MCTP1: variants seen among roughly 807,000 people sequenced by gnomAD.
The protein encoded by MCTP1 is multiple C2 and transmembrane domain containing 1.
Under a neutral mutation model 120.6 loss-of-function variants are expected in MCTP1, and 69 were observed. That is an observed-to-expected ratio of 0.57 (90% CI 0.47 to 0.70). The LOEUF is 0.70. Among genes scored for constraint, MCTP1 ranks in the 30% least tolerant of loss-of-function variants. The pLI is 0.00. For synonymous variants in MCTP1, 529 were observed against 493.1 expected, an observed-to-expected ratio of 1.07 and a Z score of -0.96; for missense variants, 1,203 against 1,248.8, an observed-to-expected ratio of 0.96 and a Z score of 0.55.
At chr5:95,053,506 A>G (rs1189070681) in intron 1 of MCTP1, among the ~76,000 whole-genome samples, 2 of 152,188 alleles carry the variant, frequency 1.3e-5, no homozygotes, top group African/African-American at 4.8e-5. Flanking sequence ...AGATCCAGTT[A>G]AACTACAGAT....
At chr5:95,038,033 A>G (rs1301342836) in intron 1 of MCTP1, 1 of 611,108 alleles carries the variant, frequency 1.6e-6, no homozygotes, top group Non-Finnish European at 2.0e-6. Context: ...TCAATGTGCC[A>G]TTCTCATTTA....
At chr5:95,275,844 C>T (rs975066226) in intron 1 of MCTP1, among the ~76,000 whole-genome samples, 5 of 152,006 alleles carry the variant, frequency 3.3e-5, no homozygotes, top group Admixed American at 1.3e-4. Context: ...TCAGATCTTG[C>T]AAGCAGAGAA....
intron 17 of MCTP1, among the ~76,000 whole-genome samples, chr5:94,815,385 C>T (rs182402322): frequency 1.3e-3 from 201 of 152,284 alleles, no homozygotes; most frequent in South Asian, 2.3e-3. Flanking sequence ...CTTTCTACAG[C>T]CAATTTCTCT....
chr5:95,216,672 G>T (rs1753076441), intron 1 of MCTP1, among the ~76,000 whole-genome samples: 1 of 152,150 alleles, frequency 6.6e-6, no homozygotes, highest in South Asian at 2.1e-4. Context: ...CACAAACTGA[G>T]AAGTGAAATG....
chr5:94,772,581 T>A (rs1293910666), intron 19 of MCTP1, among the ~76,000 whole-genome samples: 1 of 152,142 alleles, frequency 6.6e-6, no homozygotes, highest in Non-Finnish European at 1.5e-5. Flanking sequence ...TCTCCATAGG[T>A]TCCAGGGATT....
intron 19 of MCTP1, among the ~76,000 whole-genome samples, chr5:94,730,836 G>A (rs895915643): frequency 1.3e-5 from 2 of 152,004 alleles, no homozygotes; most frequent in South Asian, 2.1e-4. Flanking sequence ...CACCATTTGG[G>A]AACCTCTATA....
At chr5:94,917,835 T>C (rs1228557922) in intron 8 of MCTP1, 61 bp downstream of exon 8, 18 of 1,376,970 alleles carry the variant, frequency 1.3e-5, no homozygotes, top group Non-Finnish European at 1.7e-5. Context: ...AAGTTGGCTC[T>C]CAGAAATCCC....
rs528593326 is a variant in MCTP1 at position 95,025,266 on chromosome 5, CATTT to C, written c.721-7786_721-7783del. 4.8e-3 allele frequency among the ~76,000 whole-genome samples: 732 copies of C among 152,206 alleles called. 4 individuals are homozygous for C. The highest frequency in any genetic ancestry group is 7.8e-3 in the Non-Finnish European group (532 of 67,994). The stretch of plus-strand genomic sequence containing the variant: ...CAAAGAGCCCAGAAATAAACTGATA[CATTT>C]ATGATCAATTGAGTTTTGATAGAGG... On this transcript the variant is annotated intron_variant, in intron 1 of 22. Coordinates refer to ENST00000515393, the MANE Select transcript of MCTP1 (RefSeq NM_024717.7).
intron 1 of MCTP1, among the ~76,000 whole-genome samples, chr5:95,225,350 G>A (rs73776320): frequency 7.2e-4 from 110 of 152,258 alleles, no homozygotes; most frequent in African/African-American, 2.1e-3. Context: ...GAATAATTCA[G>A]CTGATTTCCC....
intron 19 of MCTP1, among the ~76,000 whole-genome samples, chr5:94,777,439 A>G (rs1381704176): frequency 6.6e-6 from 1 of 152,194 alleles, no homozygotes; most frequent in Admixed American, 6.6e-5. Flanking sequence ...GATTAGAAGT[A>G]CAGAATATCA....
At chr5:94,882,401 C>T (rs1330253545) in intron 12 of MCTP1, among the ~76,000 whole-genome samples, 1 of 151,958 alleles carries the variant, frequency 6.6e-6, no homozygotes. Flanking sequence ...ATCGTTTAAC[C>T]CAAGTATCTC....
At chr5:94,925,399 G>A (rs1411771772) in intron 6 of MCTP1, among the ~76,000 whole-genome samples, 1 of 152,056 alleles carries the variant, frequency 6.6e-6, no homozygotes, top group Non-Finnish European at 1.5e-5. Flanking sequence ...GTGAGGCAAA[G>A]TGACTGTTTT....
At chr5:95,259,725 T>C (rs923264188) in intron 1 of MCTP1, among the ~76,000 whole-genome samples, 1 of 152,106 alleles carries the variant, frequency 6.6e-6, no homozygotes, top group African/African-American at 2.4e-5. Flanking sequence ...TCCAGGATAA[T>C]ATTCCCCTCC....
rs566057137 is a variant in MCTP1 at position 95,057,142 on chromosome 5, A to C, written c.721-39658T>G. ...GAAGCAAATATCATAAAATAGTAAC[A>C]TTAATTATAGAGAATGGAAACAGAG... On this transcript the variant is annotated intron_variant, in intron 1 of 22. Transcript: ENST00000515393. Among the ~76,000 whole-genome samples the C allele has an allele frequency of 2.0e-5, 3 of 152,224 alleles. No homozygotes were observed. In the East Asian group the frequency reaches 5.8e-4, roughly 29 times the overall value.
intron 1 of MCTP1, among the ~76,000 whole-genome samples, chr5:95,072,710 A>G (rs1355748433): frequency 1.3e-5 from 2 of 148,968 alleles, no homozygotes; most frequent in Non-Finnish European, 3.0e-5. Flanking sequence ...CAACTGTTCT[A>G]GCTCCAAATT....
intron 1 of MCTP1, among the ~76,000 whole-genome samples, chr5:95,064,215 T>C (rs747779989): frequency 6.6e-6 from 1 of 152,234 alleles, no homozygotes; most frequent in South Asian, 2.1e-4. Flanking sequence ...CAAAAGTTTA[T>C]GTAAGAACAG....
At chr5:95,060,724 C>T (rs979679960) in intron 1 of MCTP1, among the ~76,000 whole-genome samples, 1 of 152,068 alleles carries the variant, frequency 6.6e-6, no homozygotes, top group East Asian at 1.9e-4. Flanking sequence ...GTAATCCCAG[C>T]ACTTTGGGAG....
intron 19 of MCTP1, among the ~76,000 whole-genome samples, chr5:94,764,229 A>G (rs918468450): frequency 6.6e-6 from 1 of 152,236 alleles, no homozygotes; most frequent in African/African-American, 2.4e-5. Flanking sequence ...ATGCAGGGAC[A>G]TATATCCATA....
chr5:94,912,427 T>TAAAAAAAAAAAA (rs1808899824), intron 9 of MCTP1, among the ~76,000 whole-genome samples: 1 of 24,186 alleles, frequency 4.1e-5, no homozygotes, highest in African/African-American at 1.7e-4. Context: ...TGAGACTCCA[T>TAAAAAAAAAAAA]CAAAAAAAAA....
Sources: gnomAD v4.1 joint callset for allele counts (sites outside exome capture counted in the v4.1 genomes callset) on GRCh38, gnomAD v4.1.1 for gene constraint, MANE v1.5 for transcripts, NCBI Gene and HGNC (gene_info 2026-07-23, HGNC 2026-07-21) for gene names.